DPP6: variants seen among roughly 807,000 people sequenced by gnomAD.
The protein encoded by DPP6 is A-type potassium channel modulatory protein DPP6.
Under a neutral mutation model 122.6 loss-of-function variants are expected in DPP6, and 69 were observed. The observed-to-expected ratio is 0.56, with a 90% confidence interval of 0.46 to 0.69. The LOEUF is 0.69. Among genes scored for constraint, DPP6 ranks in the 30% least tolerant of loss-of-function variants. The probability of loss-of-function intolerance (pLI) is 0.00; values close to 1 mark genes in which losing one functional copy is unlikely to be tolerated. For synonymous variants in DPP6, 418 were observed against 433.1 expected (o/e 0.97, Z 0.43); for missense variants, 928 against 1,116.9 (o/e 0.83, Z 2.41).
At chr7:153,765,722 T>C in the DPP6 span, among the ~76,000 whole-genome samples, 36 of 152,314 alleles carry the variant, frequency 2.4e-4, no homozygotes, top group African/African-American at 8.4e-4. Flanking sequence ...AGCTTCTTAT[T>C]TGAGACTTTG....
intron 1 of DPP6, chr7:154,093,635 T>TAC (rs370461078): frequency 0.038 from 5,471 of 145,286 alleles, 206 homozygotes; most frequent in African/African-American, 0.098. Flanking sequence ...ACACACACCA[T>TAC]ACACACACAC....
intron 8 of DPP6, among the ~76,000 whole-genome samples, chr7:154,744,359 C>T (rs1842943198): frequency 6.6e-6 from 1 of 152,208 alleles, no homozygotes; most frequent in South Asian, 2.1e-4. Context: ...AATAGAAAGT[C>T]AAAACCCAAA....
intron 1 of DPP6, among the ~76,000 whole-genome samples, chr7:154,115,709 G>T (rs1332618921): frequency 6.6e-6 from 1 of 152,094 alleles, no homozygotes; most frequent in Non-Finnish European, 1.5e-5. Flanking sequence ...CAGCCTATAG[G>T]GTTTGGATTC....
At chr7:154,472,708 T>C (rs1205924547) in intron 2 of DPP6, among the ~76,000 whole-genome samples, 2 of 152,172 alleles carry the variant, frequency 1.3e-5, no homozygotes, top group Non-Finnish European at 2.9e-5. Flanking sequence ...ATGAATTAGA[T>C]ATCAGTTGAA....
chr7:153,812,806 G>A, the DPP6 span, among the ~76,000 whole-genome samples: 4 of 152,034 alleles, frequency 2.6e-5, no homozygotes, highest in Non-Finnish European at 4.4e-5. Flanking sequence ...TCTCCATCTA[G>A]ACCAACAAAT....
intron 5 of DPP6, among the ~76,000 whole-genome samples, chr7:154,613,616 T>A: frequency 1.5e-5 from 1 of 64,766 alleles, no homozygotes. Context: ...CGAGACTCTG[T>A]CTCAAAAAAA....
chr7:154,107,668 T>A (rs1266656241), intron 1 of DPP6, among the ~76,000 whole-genome samples: 1 of 152,242 alleles, frequency 6.6e-6, no homozygotes, highest in Non-Finnish European at 1.5e-5. Flanking sequence ...CAAAACATCA[T>A]AATGGACCCC....
intron 4 of DPP6, among the ~76,000 whole-genome samples, chr7:154,552,703 G>C (rs1285276560): frequency 3.3e-5 from 5 of 152,212 alleles, no homozygotes; most frequent in African/African-American, 1.2e-4. Flanking sequence ...ACAAAGTCAG[G>C]AGTGTTCTAG....
chr7:153,815,717 A>G, the DPP6 span, among the ~76,000 whole-genome samples: 3 of 152,104 alleles, frequency 2.0e-5, no homozygotes, highest in Non-Finnish European at 4.4e-5. Flanking sequence ...ACAAATTCAG[A>G]CAGAGATCTG....
chr7:154,766,285 G>A (rs930529195), intron 8 of DPP6, among the ~76,000 whole-genome samples: 13 of 152,168 alleles, frequency 8.5e-5, no homozygotes, highest in Admixed American at 3.3e-4. Flanking sequence ...CCCTGAACCC[G>A]ATGACCCAAT....
At chr7:153,821,239 A>AT in the DPP6 span, among the ~76,000 whole-genome samples, 5 of 151,898 alleles carry the variant, frequency 3.3e-5, no homozygotes, top group Admixed American at 6.6e-5. Context: ...GAATAAGAAT[A>AT]TTTTTTCATA....
At chr7:154,210,462 A>C (rs1799680291) in intron 1 of DPP6, among the ~76,000 whole-genome samples, 1 of 152,236 alleles carries the variant, frequency 6.6e-6, no homozygotes, top group South Asian at 2.1e-4. Context: ...TTAAAATAGC[A>C]GTAATTGCAG....
chr7:154,516,917 G>A (rs1481664600), intron 3 of DPP6, among the ~76,000 whole-genome samples: 1 of 152,176 alleles, frequency 6.6e-6, no homozygotes, highest in African/African-American at 2.4e-5. Context: ...GCACACAGCA[G>A]CTGAATGCCA....
At chr7:154,454,167 G>A (rs1820628089) in intron 2 of DPP6, among the ~76,000 whole-genome samples, 1 of 152,170 alleles carries the variant, frequency 6.6e-6, no homozygotes, top group Non-Finnish European at 1.5e-5. Flanking sequence ...AGCACAGGTG[G>A]CTTGAGTGGG....
intron 8 of DPP6, among the ~76,000 whole-genome samples, chr7:154,765,773 T>G (rs1795856851): frequency 6.6e-6 from 1 of 152,212 alleles, no homozygotes; most frequent in Non-Finnish European, 1.5e-5. Context: ...GAAGAAAAGA[T>G]GTATTCTCTA....
At chr7:153,888,318 A>G (rs1799031889) in intron 1 of DPP6, among the ~76,000 whole-genome samples, 1 of 152,094 alleles carries the variant, frequency 6.6e-6, no homozygotes, top group Non-Finnish European at 1.5e-5. Flanking sequence ...GTGCCGGAGG[A>G]GGTCAGGGGC....
the DPP6 span, among the ~76,000 whole-genome samples, chr7:153,763,661 T>A: frequency 6.6e-6 from 1 of 152,218 alleles, no homozygotes; most frequent in Admixed American, 6.5e-5. Context: ...CTTCTGGGTT[T>A]ACTAATGTGT....
At chr7:154,608,333 A>T (rs762479812) in intron 5 of DPP6, among the ~76,000 whole-genome samples, 2 of 113,392 alleles carry the variant, frequency 1.8e-5, no homozygotes, top group African/African-American at 3.2e-5. Context: ...ATATATATAT[A>T]TATATATATT....
intron 3 of DPP6, among the ~76,000 whole-genome samples, chr7:154,496,390 G>A (rs1346528709): frequency 6.6e-6 from 1 of 152,352 alleles, no homozygotes; most frequent in African/African-American, 2.4e-5. Flanking sequence ...CCGAAGGGGA[G>A]CTATGTGAGT....
Sources: gnomAD v4.1 joint callset for allele counts (sites outside exome capture counted in the v4.1 genomes callset) on GRCh38, gnomAD v4.1.1 for gene constraint, MANE v1.5 for transcripts, NCBI Gene and HGNC (gene_info 2026-07-23, HGNC 2026-07-21) for gene names.